Variants in ADGRL3 observed in about 807,000 individuals in gnomAD.
ADGRL3 encodes the protein adhesion G protein-coupled receptor L3, also known as calcium-independent alpha-latrotoxin receptor 3.
In ADGRL3, 62 loss-of-function variants were observed where a neutral mutation model predicts 153.5. The ratio of observed to expected loss-of-function variants is 0.40; its 90% CI spans 0.33 to 0.50. The LOEUF (loss-of-function observed/expected upper bound fraction) is 0.50. Ranked by LOEUF, ADGRL3 falls within the 20% of genes least tolerant of loss-of-function variation. ADGRL3 has a pLI of 0.47. For synonymous variants in ADGRL3, 710 were observed against 672.5 expected (o/e 1.06, Z -0.86); for missense variants, 1,641 against 1,859.4 (o/e 0.88, Z 2.16).
intron 8 of ADGRL3, among the ~76,000 whole-genome samples, chr4:61,758,380 T>C (rs2096865328): frequency 6.6e-6 from 1 of 152,190 alleles, no homozygotes; most frequent in Non-Finnish European, 1.5e-5. Flanking sequence ...TGGGTGCATA[T>C]ATATTTAGGA....
chr4:61,708,265 G>A (rs987668849), intron 6 of ADGRL3, among the ~76,000 whole-genome samples: 4 of 152,116 alleles, frequency 2.6e-5, no homozygotes, highest in African/African-American at 4.8e-5. Flanking sequence ...ATTATATATT[G>A]TCTCATTCTA....
At chr4:61,823,747 C>T (rs942969911) in intron 9 of ADGRL3, among the ~76,000 whole-genome samples, 3 of 152,084 alleles carry the variant, frequency 2.0e-5, no homozygotes, top group African/African-American at 7.2e-5. Flanking sequence ...CGACTTAGTG[C>T]CCAGTCCTAT....
At chr4:61,683,682 C>T (rs894758247) in intron 6 of ADGRL3, among the ~76,000 whole-genome samples, 6 of 152,138 alleles carry the variant, frequency 3.9e-5, no homozygotes, top group Admixed American at 6.6e-5. Flanking sequence ...CAGAGGAAAG[C>T]GCACCAAACA....
At chr4:61,871,004 C>T (rs1046178528) in intron 9 of ADGRL3, among the ~76,000 whole-genome samples, 1 of 152,172 alleles carries the variant, frequency 6.6e-6, no homozygotes, top group African/African-American at 2.4e-5. Context: ...GGGGGCCGGG[C>T]ACGGTGGCTC....
intron 7 of ADGRL3, among the ~76,000 whole-genome samples, chr4:61,732,200 T>C (rs2096454424): frequency 6.6e-6 from 1 of 152,142 alleles, no homozygotes; most frequent in Admixed American, 6.6e-5. Context: ...TTGCATGCTC[T>C]GTGTGTGTTG....
intron 1 of ADGRL3, among the ~76,000 whole-genome samples, chr4:61,272,521 T>C (rs1427534510): frequency 6.6e-6 from 1 of 152,112 alleles, no homozygotes; most frequent in Non-Finnish European, 1.5e-5. Context: ...TCATTTTAAA[T>C]TAAAATAATA....
At chr4:61,700,703 T>G (rs2095741517) in intron 6 of ADGRL3, among the ~76,000 whole-genome samples, 1 of 152,156 alleles carries the variant, frequency 6.6e-6, no homozygotes, top group African/African-American at 2.4e-5. Context: ...GGTGATATCA[T>G]AATTTCCAAA....
chr4:61,871,121 A>G (rs2098442208), intron 9 of ADGRL3, among the ~76,000 whole-genome samples: 1 of 150,718 alleles, frequency 6.6e-6, no homozygotes. Context: ...TACTAAAAAT[A>G]CAAAAAATTA....
intron 8 of ADGRL3, among the ~76,000 whole-genome samples, chr4:61,791,878 C>T (rs895534605): frequency 6.6e-6 from 1 of 152,164 alleles, no homozygotes; most frequent in Non-Finnish European, 1.5e-5. Flanking sequence ...CCCCTTTCAG[C>T]TACAGCTAGA....
intron 6 of ADGRL3, among the ~76,000 whole-genome samples, chr4:61,687,499 C>A (rs186881566): frequency 2.0e-5 from 3 of 152,050 alleles, no homozygotes; most frequent in Admixed American, 2.0e-4. Context: ...TTGTATATTT[C>A]TAATACATTA....
At chr4:61,820,413 G>A (rs1313659673) in intron 9 of ADGRL3, among the ~76,000 whole-genome samples, 2 of 152,154 alleles carry the variant, frequency 1.3e-5, no homozygotes, top group African/African-American at 4.8e-5. Context: ...TACATTACAA[G>A]GTAATTAACT....
intron 15 of ADGRL3, among the ~76,000 whole-genome samples, chr4:61,939,736 G>C (rs1406963370): frequency 2.0e-5 from 3 of 151,930 alleles, no homozygotes; most frequent in African/African-American, 7.3e-5. Flanking sequence ...CCAAAGTGCT[G>C]GGATTACAGG....
At chr4:61,424,842 C>T (rs2097257298) in intron 2 of ADGRL3, among the ~76,000 whole-genome samples, 2 of 152,070 alleles carry the variant, frequency 1.3e-5, no homozygotes, top group African/African-American at 4.8e-5. Context: ...CAGGGATGGT[C>T]AAAGCTAAGG....
intron 25 of ADGRL3, among the ~76,000 whole-genome samples, chr4:62,066,531 G>A (rs1743077877): frequency 6.6e-6 from 1 of 151,808 alleles, no homozygotes; most frequent in African/African-American, 2.4e-5. Context: ...GAGTACTTCT[G>A]GACCATTATC....
intron 8 of ADGRL3, among the ~76,000 whole-genome samples, chr4:61,755,994 C>A (rs1035568706): frequency 6.6e-6 from 1 of 152,106 alleles, no homozygotes; most frequent in Admixed American, 6.5e-5. Flanking sequence ...TGTTTTGGTA[C>A]CAGTACCATG....
At position 61,955,768 on chromosome 4, in the gene ADGRL3, T is replaced by C. The variant is rs753615064; in HGVS notation, c.2805+7492T>C. 9.9e-4 allele frequency among the ~76,000 whole-genome samples: 150 copies of C among 152,272 alleles called. 1 individual carries two copies. In the Middle Eastern group the frequency reaches 0.024, roughly 24 times the overall value. ...GTTCTCATTATTCAACTCCTACTTA[T>C]GAGTGAGAACATGCAGTGTTTGGTT... On this transcript the variant is annotated intron_variant, in intron 17 of 26. Transcript: ENST00000683033.
chr4:61,760,252 A>T (rs1236426220), intron 8 of ADGRL3, among the ~76,000 whole-genome samples: 2 of 152,136 alleles, frequency 1.3e-5, no homozygotes, highest in African/African-American at 4.8e-5. Flanking sequence ...CCCTGCCCCC[A>T]GAGGTGGAGT....
intron 21 of ADGRL3, among the ~76,000 whole-genome samples, chr4:62,006,448 G>A (rs1201274456): frequency 1.3e-5 from 2 of 151,980 alleles, no homozygotes; most frequent in South Asian, 2.1e-4. Context: ...CACTTTTGGG[G>A]GTAGGACAGT....
At position 61,980,306 on chromosome 4, in the gene ADGRL3, A is replaced by ATT. The variant is rs756680977; in HGVS notation, c.3015+559_3015+560dup. Among the ~76,000 whole-genome samples, 109 of 74,410 alleles carry ATT rather than the reference A, an allele frequency of 1.5e-3. 10 individuals are homozygous for ATT. Among genetic ancestry groups the ATT allele is most frequent in the African/African-American group, 4.6e-3 (91 of 19,648 alleles). 48.8% of individuals were successfully genotyped at this position (74,410 alleles called of 152,430 possible). A position where few individuals can be genotyped will look rare whatever the true frequency, so the allele number is the denominator to read the frequency against. On this transcript the variant is annotated intron_variant, in intron 18 of 26. Transcript: ENST00000683033. ...TCCCACTAACCTCTGGTAACCACTA[A>ATT]TTTTTTTTTTTTTTTTTTTTTTTTT... is the stretch of plus-strand genomic sequence containing the variant.
Sources: gnomAD v4.1 joint callset for allele counts (sites outside exome capture counted in the v4.1 genomes callset) on GRCh38, gnomAD v4.1.1 for gene constraint, MANE v1.5 for transcripts, NCBI Gene and HGNC (gene_info 2026-07-23, HGNC 2026-07-21) for gene names.